Variants in ADAMTS17 observed in about 807,000 individuals in gnomAD.
The protein encoded by ADAMTS17 is ADAM metallopeptidase with thrombospondin type 1 motif 17.
In ADAMTS17, 113 loss-of-function variants were observed where a neutral mutation model predicts 141.5. The observed-to-expected ratio is 0.80, with a 90% CI of 0.69 to 0.93. The LOEUF (loss-of-function observed/expected upper bound fraction) is 0.93, where lower values mean the gene tolerates loss of function less well. Among genes scored for constraint, ADAMTS17 ranks in the 40% least tolerant of loss-of-function variants. ADAMTS17 has a pLI of 0.00. For synonymous variants in ADAMTS17, 768 were observed against 630.6 expected, an observed-to-expected ratio of 1.22 and a Z score of -3.27; for missense variants, 1,659 against 1,517.9, an observed-to-expected ratio of 1.09 and a Z score of -1.54.
At chr15:100,174,787 CA>C (rs1408884059) in intron 8 of ADAMTS17, among the ~76,000 whole-genome samples, 1 of 152,148 alleles carries the variant, frequency 6.6e-6, no homozygotes, top group Admixed American at 6.5e-5. Context: ...TGGTTTCAAG[CA>C]AGGCACTGAA....
Position 100,051,655 on chromosome 15 carries a change from T to C in ADAMTS17, c.2372A>G (p.Gln791Arg), listed in dbSNP as rs545996605. 241 of 1,614,210 alleles carry C rather than the reference T, an allele frequency of 1.5e-4. No individual in the cohort carries two copies. The South Asian group carries it at 2.4e-3, about 16-fold the overall frequency. The change falls in exon 17 of 22, where the codon CAA becomes CGA. Residue 791 changes from glutamine to arginine, a missense_variant. Coordinates refer to ENST00000268070, the MANE Select transcript of ADAMTS17 (RefSeq NM_139057.4). ...GTCCTGCGGTTTTTCTGGTTCGCTT[T>C]GATTTTCCGCAGTGCGGTTTACAGG... The part of the protein sequence containing the change: ...TVPVNRTAEN[Q>R]SEPEKPQDSL...
At chr15:100,095,854 G>A (rs1336401210) in intron 15 of ADAMTS17, among the ~76,000 whole-genome samples, 1 of 152,188 alleles carries the variant, frequency 6.6e-6, no homozygotes, top group Non-Finnish European at 1.5e-5. Flanking sequence ...TGCCCCTGGG[G>A]ACCAGGAGGC....
chr15:100,266,748 G>A (rs1385905875), intron 4 of ADAMTS17, among the ~76,000 whole-genome samples: 3 of 152,182 alleles, frequency 2.0e-5, no homozygotes, highest in Non-Finnish European at 2.9e-5. Flanking sequence ...TCCTCTCAGA[G>A]AGGTGGCCCT....
At chr15:100,317,080 T>C (rs2045588450) in intron 3 of ADAMTS17, among the ~76,000 whole-genome samples, 1 of 152,172 alleles carries the variant, frequency 6.6e-6, no homozygotes, top group African/African-American at 2.4e-5. Flanking sequence ...TTACGAATTA[T>C]CAGCACAACA....
chr15:100,142,286 T>C (rs1440999597), intron 10 of ADAMTS17, among the ~76,000 whole-genome samples: 2 of 151,936 alleles, frequency 1.3e-5, no homozygotes. Flanking sequence ...CTGCAGGACG[T>C]GAGAAAGGAG....
intron 2 of ADAMTS17, among the ~76,000 whole-genome samples, chr15:100,332,715 AG>A (rs1380850053): frequency 2.0e-5 from 3 of 152,246 alleles, no homozygotes; most frequent in Non-Finnish European, 4.4e-5. Flanking sequence ...AGCATCACTT[AG>A]CACCTTAGGG....
chr15:99,989,792 G>A (rs1193145281), intron 20 of ADAMTS17, among the ~76,000 whole-genome samples: 1 of 152,170 alleles, frequency 6.6e-6, no homozygotes, highest in Non-Finnish European at 1.5e-5. Flanking sequence ...ATAACCCTGG[G>A]GACTGTGCCC....
intron 8 of ADAMTS17, among the ~76,000 whole-genome samples, chr15:100,162,674 T>G (rs868541986): frequency 1.2e-5 from 1 of 84,622 alleles, no homozygotes; most frequent in African/African-American, 5.2e-5. Context: ...TGTATATATA[T>G]GCACATATAC....
intron 20 of ADAMTS17, chr15:99,979,738 G>A (rs566260238): frequency 6.6e-6 from 1 of 152,302 alleles, no homozygotes; most frequent in South Asian, 2.1e-4. Context: ...CTATTCAACT[G>A]TTTTGACCTC....
intron 18 of ADAMTS17, among the ~76,000 whole-genome samples, chr15:100,041,530 C>T (rs1196323019): frequency 6.6e-6 from 1 of 152,192 alleles, no homozygotes; most frequent in East Asian, 1.9e-4. Context: ...TCTTTGGATG[C>T]TGAATGATGG....
intron 15 of ADAMTS17, among the ~76,000 whole-genome samples, chr15:100,068,939 T>C (rs764449420): frequency 2.6e-5 from 4 of 152,172 alleles, no homozygotes; most frequent in Non-Finnish European, 5.9e-5. Context: ...ATGATCAAAC[T>C]ACTCCGAGCT....
intron 18 of ADAMTS17, among the ~76,000 whole-genome samples, chr15:100,043,994 T>G (rs1226874684): frequency 6.6e-6 from 1 of 152,252 alleles, no homozygotes; most frequent in African/African-American, 2.4e-5. Flanking sequence ...TGTCACTTTG[T>G]TTTGTAGGTG....
chr15:100,090,303 G>A (rs2035375136), intron 15 of ADAMTS17, among the ~76,000 whole-genome samples: 1 of 152,170 alleles, frequency 6.6e-6, no homozygotes. Context: ...AAACATACCT[G>A]CAAACAAGAT....
At chr15:100,205,253 A>G (rs2041491412) in intron 7 of ADAMTS17, among the ~76,000 whole-genome samples, 1 of 152,146 alleles carries the variant, frequency 6.6e-6, no homozygotes, top group Admixed American at 6.5e-5. Flanking sequence ...CCTACAAGAT[A>G]ACATTTTCAT....
chr15:100,050,285 C>G (rs1171319680), intron 17 of ADAMTS17, among the ~76,000 whole-genome samples: 1 of 152,220 alleles, frequency 6.6e-6, no homozygotes, highest in Non-Finnish European at 1.5e-5. Flanking sequence ...GAGAGCCTGA[C>G]TATTCCATGT....
chr15:100,175,982 TA>T (rs1228895330), intron 8 of ADAMTS17, among the ~76,000 whole-genome samples: 1 of 152,204 alleles, frequency 6.6e-6, no homozygotes, highest in Non-Finnish European at 1.5e-5. Context: ...CGAAACAAGA[TA>T]GGGGACCAAC....
In ADAMTS17 at chr15:100,199,358, G is replaced by T; in HGVS notation, c.1141C>A (p.Leu381Ile). Reference sequence around the variant, plus strand: ...TGGGCGATGGTAAAGGCCAAATTGAGACCATTGTCTTCGGCAAGCACACAC... The same window carrying T: ...TGGGCGATGGTAAAGGCCAAATTGATACCATTGTCTTCGGCAAGCACACAC... ...RKCVLAEDNG[L>I]NLAFTIAHEL... Residue 381 changes from leucine to isoleucine, a missense_variant, in exon 8 of 22, where the codon CTC becomes ATC. Transcript: ENST00000268070. 1 of 1,614,186 alleles carries T rather than the reference G, an allele frequency of 6.2e-7. No homozygotes were observed. The highest frequency in any genetic ancestry group is 8.5e-7 in the Non-Finnish European group (1 of 1,180,024).
chr15:100,053,973 G>T lies in ADAMTS17; in HGVS notation c.2219C>A (p.Thr740Asn), dbSNP rs1313123577. 1.2e-6 allele frequency: 2 copies of T among 1,614,204 alleles called. No individual in the cohort carries two copies. The highest frequency in any genetic ancestry group is 1.3e-5 in the African/African-American group (1 of 75,034). ...LPGEFQIAGT[T>N]VRYVRRGLWE... Reference sequence around the variant, plus strand: ...CAGCCCCCTTCTCACATAGCGAACAGTTGTGCCTGCAATCTGGAACTCTCC... The same window carrying T: ...CAGCCCCCTTCTCACATAGCGAACATTTGTGCCTGCAATCTGGAACTCTCC... Residue 740 changes from threonine to asparagine, a missense_variant, in exon 16 of 22, where the codon ACT (threonine) becomes AAT (asparagine). By Grantham distance (65) the Thr-to-Asn change is moderately conservative. Coordinates refer to ENST00000268070, the MANE Select transcript of ADAMTS17 (RefSeq NM_139057.4).
rs200371613 is a variant in ADAMTS17, at chr15:100,116,867, A to C, written c.1868T>G (p.Leu623Arg). The C allele has an allele frequency of 6.2e-7, 1 of 1,614,064 alleles. No homozygotes were observed. The highest frequency in any genetic ancestry group is 8.5e-7 in the Non-Finnish European group (1 of 1,180,032). The change falls in exon 13 of 22, where the codon CTG becomes CGG. Residue 623 changes from leucine to arginine, a missense_variant. Coordinates refer to ENST00000268070, the MANE Select transcript of ADAMTS17 (RefSeq NM_139057.4). ...DRLSPKKKGL[L>R]TAVVVDDKPC... Reference sequence around the variant, plus strand: ...TTTACCGTCAACCACCACGGCTGTCAGCAGGCCTTTCTTCTTGGGGCTCAG... The same window carrying C: ...TTTACCGTCAACCACCACGGCTGTCCGCAGGCCTTTCTTCTTGGGGCTCAG...
Sources: allele counts gnomAD v4.1 joint callset (sites outside exome capture counted in the v4.1 genomes callset), GRCh38; gene constraint gnomAD v4.1.1; transcripts MANE v1.5; gene names NCBI Gene and HGNC (gene_info 2026-07-23, HGNC 2026-07-21).